TNC: variants seen among roughly 807,000 people sequenced by gnomAD.
TNC encodes tenascin.
A neutral mutation model predicts 202.4 loss-of-function variants in TNC; 109 were observed. That is an observed-to-expected ratio of 0.54 (90% CI 0.46 to 0.63). The LOEUF is 0.63. Among genes scored for constraint, TNC ranks in the 30% least tolerant of loss-of-function variants. TNC has a pLI of 0.00. For missense variants in TNC, 2,756 were observed against 2,833.3 expected (o/e 0.97, Z 0.62); for synonymous variants, 1,007 against 1,089.7 (o/e 0.92, Z 1.50).
chr9:115,114,277 C>A (rs1456684770), intron 1 of TNC, among the ~76,000 whole-genome samples: 1 of 152,242 alleles, frequency 6.6e-6, no homozygotes, highest in Non-Finnish European at 1.5e-5. Flanking sequence ...ATCTTCCTCT[C>A]TGAGGCTTCC....
intron 10 of TNC, among the ~76,000 whole-genome samples, chr9:115,070,006 C>T (rs950088536): frequency 1.3e-5 from 2 of 151,586 alleles, no homozygotes; most frequent in African/African-American, 4.8e-5. Flanking sequence ...CTGAAGTAGC[C>T]AGGGTCCCTA....
At chr9:115,065,945 C>T (rs540923929) in intron 10 of TNC, among the ~76,000 whole-genome samples, 83 of 149,596 alleles carry the variant, frequency 5.5e-4, no homozygotes, top group African/African-American at 1.8e-3. Context: ...TTTTGTGCTG[C>T]CTCAATATCC....
chr9:115,045,130 C>G (rs1327248214), intron 17 of TNC, among the ~76,000 whole-genome samples: 3 of 152,142 alleles, frequency 2.0e-5, no homozygotes, highest in South Asian at 2.1e-4. Context: ...CATGCACAAA[C>G]AGAAGAGGTT....
intron 8 of TNC, 132 bp from the exon 9 acceptor site, chr9:115,076,253 G>A: frequency 1.4e-6 from 2 of 1,398,498 alleles, no homozygotes; most frequent in South Asian, 1.2e-5. Context: ...AGAACTCACT[G>A]CAATCCAATA....
At chr9:115,088,697 T>G (rs1834984739) in intron 2 of TNC, among the ~76,000 whole-genome samples, 1 of 151,972 alleles carries the variant, frequency 6.6e-6, no homozygotes, top group African/African-American at 2.4e-5. Flanking sequence ...AAGAAAGAAT[T>G]TTTTAAAAAA....
Position 115,073,749 on chromosome 9 carries a change from G to A in TNC, c.3068C>T (p.Thr1023Ile), listed in dbSNP as rs1588129353. ...DRYRLNYSLP[T>I]GQWVGVQLPR... ...AAGCTGCACTCCCACCCACTGGCCT[G>A]TGGGGAGACTGTAATTGAGGCGGTA... Residue 1023 changes from threonine (T) to isoleucine (I), a missense_variant, in exon 10 of 28, where the codon ACA (threonine) becomes ATA (isoleucine). Physicochemically the swap from Thr to Ile is moderately conservative, Grantham distance 89 (BLOSUM62 -1). This residue lies in a region of TNC where 2,559 missense variants were observed against 2,546.0 expected (regional missense o/e 1.01). Transcript: ENST00000350763. 1.9e-6 allele frequency: 3 copies of A among 1,614,190 alleles called. No individual in the cohort carries two copies. The highest frequency in any genetic ancestry group is 2.2e-5 in the East Asian group (1 of 44,878).
chr9:115,056,557 C>T (rs191399342), intron 15 of TNC, among the ~76,000 whole-genome samples: 163 of 152,292 alleles, frequency 1.1e-3, no homozygotes, highest in Non-Finnish European at 1.9e-3. Context: ...ATTCTGAGGG[C>T]AAGACAGCAT....
chr9:115,066,309 C>T (rs539445503), intron 10 of TNC, among the ~76,000 whole-genome samples: 1 of 152,204 alleles, frequency 6.6e-6, no homozygotes, highest in African/African-American at 2.4e-5. Flanking sequence ...GAAAGTATTT[C>T]TCTGGAAATG....
rs71375271 is a variant in TNC, at chr9:115,110,878, ATT to A, written c.-137+7102_-137+7103del. Reference sequence around the variant, plus strand: ...CTAGTCCACTTTAGTGGCTGCCAGAATTTTTTTTTTTTTTTTTTTGAGACAGA... The same window carrying A: ...CTAGTCCACTTTAGTGGCTGCCAGAATTTTTTTTTTTTTTTTTGAGACAGA... On this transcript the variant is annotated intron_variant, in intron 1 of 27. Coordinates refer to ENST00000350763, the MANE Select transcript of TNC (RefSeq NM_002160.4). Among the ~76,000 whole-genome samples, 755 of 117,092 alleles carry A rather than the reference ATT, an allele frequency of 6.4e-3. 1 individual carries two copies. The highest frequency in any genetic ancestry group is 0.012 in the African/African-American group (398 of 33,414). The allele number at this position is 117,092 out of a possible 152,430, so 76.8% of individuals were successfully genotyped here.
At chr9:115,094,360 G>A (rs1274753888) in intron 1 of TNC, among the ~76,000 whole-genome samples, 1 of 152,272 alleles carries the variant, frequency 6.6e-6, no homozygotes, top group African/African-American at 2.4e-5. Context: ...GGGTGAGGAG[G>A]TAAATTTACT....
At chr9:115,081,130 T>G (rs1811484450) in intron 6 of TNC, among the ~76,000 whole-genome samples, 2 of 152,202 alleles carry the variant, frequency 1.3e-5, no homozygotes, top group Non-Finnish European at 2.9e-5. Context: ...TTACCCTGGC[T>G]TAAAGTTATG....
chr9:115,114,040 G>GC (rs1837272730), intron 1 of TNC, among the ~76,000 whole-genome samples: 1 of 152,156 alleles, frequency 6.6e-6, no homozygotes, highest in Admixed American at 6.6e-5. Context: ...AGCATGTATA[G>GC]CCCCCGAAGG....
Position 115,082,039 on chromosome 9 carries a change from A to G in TNC, c.2248-111T>C, listed in dbSNP as rs528430945. On this transcript the variant is annotated intron_variant, in intron 5 of 27. Coordinates refer to ENST00000350763, the MANE Select transcript of TNC (RefSeq NM_002160.4). ...TCCTCTGTTATTCTTTCATCGATTC[A>G]TTAGGCACTTACTATGCATCAGATC... 159 of 1,038,262 alleles carry G rather than the reference A, an allele frequency of 1.5e-4. No individual in the cohort carries two copies. The South Asian group carries it at 2.6e-3, about 17-fold the overall frequency. 64.3% of individuals were successfully genotyped at this position (1,038,262 alleles called of 1,614,324 possible). A position where few individuals can be genotyped will look rare whatever the true frequency, so the allele number is the denominator to read the frequency against.
chr9:115,111,385 T>TTC (rs766678704), intron 1 of TNC, among the ~76,000 whole-genome samples: 4,428 of 135,244 alleles, frequency 0.033, 195 homozygotes, highest in East Asian at 0.042. Flanking sequence ...CTTATAGACT[T>TTC]TCTCTCTCTC....
At chr9:115,045,257 G>T (rs1413110137) in intron 17 of TNC, among the ~76,000 whole-genome samples, 2 of 151,992 alleles carry the variant, frequency 1.3e-5, no homozygotes, top group African/African-American at 4.8e-5. Context: ...ATCTCCCTCA[G>T]TTTCATGAAA....
intron 10 of TNC, among the ~76,000 whole-genome samples, chr9:115,070,226 C>A (rs775603894): frequency 1.1e-4 from 16 of 152,016 alleles, no homozygotes; most frequent in Non-Finnish European, 1.6e-4. Flanking sequence ...GATGGGGGTG[C>A]CTTTTTAGGC....
chr9:115,063,508 C>T (rs1054802609), intron 12 of TNC, among the ~76,000 whole-genome samples: 1 of 152,118 alleles, frequency 6.6e-6, no homozygotes, highest in East Asian at 1.9e-4. Context: ...TCTTCATTTA[C>T]AGGTTGGGCT....
chr9:115,062,712 G>T (rs1832641605), intron 13 of TNC, among the ~76,000 whole-genome samples: 1 of 151,162 alleles, frequency 6.6e-6, no homozygotes. Context: ...GTGTATATAT[G>T]TGTATCTATA....
At chr9:115,112,572 C>T (rs1407803199) in intron 1 of TNC, 1 of 152,138 alleles carries the variant, frequency 6.6e-6, no homozygotes, top group Non-Finnish European at 1.5e-5. Context: ...TTTGAAAATT[C>T]TGTATTCCCT....
Sources: gnomAD v4.1 joint callset for allele counts (sites outside exome capture counted in the v4.1 genomes callset) on GRCh38, gnomAD v4.1.1 for gene constraint, gnomAD v4.1.1 regional missense constraint, MANE v1.5 for transcripts, NCBI Gene and HGNC (gene_info 2026-07-23, HGNC 2026-07-21) for gene names.